The following LYAR variants were observed in gnomAD, a reference collection of about 807,000 sequenced individuals.
The protein encoded by LYAR is cell growth-regulating nucleolar protein.
A neutral mutation model predicts 45.2 loss-of-function variants in LYAR; 37 were observed. The ratio of observed to expected loss-of-function variants is 0.82; its 90% CI spans 0.63 to 1.08. LYAR has a LOEUF of 1.08. Among genes scored for constraint, LYAR ranks in the 50% least tolerant of loss-of-function variants. LYAR has a pLI of 0.00. For missense variants in LYAR, 493 were observed against 451.0 expected (o/e 1.09, Z -0.84); for synonymous variants, 176 against 155.1 (o/e 1.14, Z -1.00).
chr4:4,273,497 T>G, intron 8 of LYAR, 86 bp downstream of exon 8: 1 of 934,228 alleles, frequency 1.1e-6, no homozygotes, highest in South Asian at 1.4e-5. Flanking sequence ...CAAGTGACCC[T>G]CCTGCCCCTG....
intron 5 of LYAR, 26 bp downstream of exon 5, chr4:4,279,616 C>T (rs1333611505): frequency 1.3e-6 from 2 of 1,583,508 alleles, no homozygotes; most frequent in African/African-American, 1.3e-5. Context: ...ACACGGCCCC[C>T]TCCATTCAAG....
rs1477902841 is a variant in LYAR at position 4,279,444 on chromosome 4, T to TA, written c.429+2dup. 3 of 1,596,114 alleles carry TA rather than the reference T, an allele frequency of 1.9e-6. No individual in the cohort carries two copies. The highest frequency in any genetic ancestry group is 2.2e-5 in the South Asian group (2 of 90,198). On this transcript the variant is annotated splice_region_variant and intron_variant, in intron 6 of 9. Coordinates refer to ENST00000343470, the MANE Select transcript of LYAR (RefSeq NM_017816.3). Reference sequence around the variant, plus strand: ...TGCAAATCTAAAATCAGATCTGACTTACGCTGTTGGAAGCTTCAGAAAAGA... The same window carrying TA: ...TGCAAATCTAAAATCAGATCTGACTTAACGCTGTTGGAAGCTTCAGAAAAGA...
In LYAR at chr4:4,267,909, T is replaced by C. The variant is rs1172934678; in HGVS notation, c.1120A>G (p.Lys374Glu). ...KNPTFKLLKDKVKLVK is the reference protein window; with the variant it reads ...KNPTFKLLKDEVKLVK The stretch of plus-strand genomic sequence containing the variant: ...AATGTTCATTTCACAAGCTTGACTT[T>C]GTCCTTTAATAACTTAAAGGTAGGG... The change falls in exon 10 of 10, where the codon AAA becomes GAA. Residue 374 changes from lysine (K) to glutamate (E), a missense_variant. Transcript: ENST00000343470. 5 of 1,611,736 alleles carry C rather than the reference T, an allele frequency of 3.1e-6. No individual in the cohort carries two copies. The highest frequency in any genetic ancestry group is 1.1e-5 in the South Asian group (1 of 90,488).
At chr4:4,280,903 G>A (rs1485975020) in intron 4 of LYAR, among the ~76,000 whole-genome samples, 4 of 152,122 alleles carry the variant, frequency 2.6e-5, no homozygotes, top group African/African-American at 7.2e-5. Flanking sequence ...GATGACATCC[G>A]TCTTTTCATT....
At position 4,274,515 on chromosome 4, in the gene LYAR, C is replaced by T. The variant is rs1719098652; in HGVS notation, c.684G>A (p.Glu228=). The T allele has an allele frequency of 1.2e-6, 2 of 1,614,216 alleles. No individual in the cohort carries two copies. Among genetic ancestry groups the T allele is most frequent in the Non-Finnish European group, 1.7e-6 (2 of 1,180,040 alleles). Residue 228 remains glutamate (E), a synonymous_variant, in exon 7 of 10, where the codon GAG becomes GAA. Coordinates refer to ENST00000343470, the MANE Select transcript of LYAR (RefSeq NM_017816.3). ...QKPKKRKKGQ[E]ADLEAGGEEV... ...CCTCCCCACCAGCCTCAAGGTCAGC[C>T]TCCTGTCCCTTTTTGCGCTTCTTAG...
intron 2 of LYAR, among the ~76,000 whole-genome samples, chr4:4,284,718 A>C (rs1159646530): frequency 1.3e-5 from 2 of 152,186 alleles, no homozygotes; most frequent in African/African-American, 4.8e-5. Flanking sequence ...AATTTTCCAT[A>C]CTTACATAAT....
chr4:4,272,191 A>G (rs1332119937), intron 8 of LYAR, among the ~76,000 whole-genome samples: 1 of 152,212 alleles, frequency 6.6e-6, no homozygotes, highest in African/African-American at 2.4e-5. Context: ...ATGCTGTACT[A>G]CAGTTGTGTA....
In LYAR at chr4:4,283,721, C is replaced by T; in HGVS notation, c.22G>A (p.Ala8Thr). 1.2e-6 allele frequency: 2 copies of T among 1,611,872 alleles called. No homozygotes were observed. The highest frequency in any genetic ancestry group is 1.7e-6 in the Non-Finnish European group (2 of 1,179,432). ...ATTTTCTTCACTGATTCACCACATG[C>T]ATTGCATGTAAAAAATACCATTTTT... MVFFTCN[A>T]CGESVKKIQV... Residue 8 changes from alanine (A) to threonine (T), a missense_variant, in exon 3 of 10, where the codon GCA (alanine) becomes ACA (threonine). By Grantham distance (58) the Ala-to-Thr change is moderately conservative (BLOSUM62 0). Transcript: ENST00000343470.
chr4:4,274,404 G>A lies in LYAR; in HGVS notation c.795C>T (p.Arg265=), dbSNP rs1438710538. 13 of 1,613,710 alleles carry A rather than the reference G, an allele frequency of 8.1e-6. No individual in the cohort carries two copies. The highest frequency in any genetic ancestry group is 1.3e-5 in the African/African-American group (1 of 74,862). The part of the protein sequence containing the change: ...RKDSASEEEA[R]VGAGKRKRRH... The stretch of plus-strand genomic sequence containing the variant: ...TCCGCTTCCTCTTCCCTGCGCCCAC[G>A]CGTGCCTCTTCCTCACTGGCGCTGT... Residue 265 remains arginine, a synonymous_variant, in exon 7 of 10, where the codon CGC becomes CGT. Coordinates refer to ENST00000343470, the MANE Select transcript of LYAR (RefSeq NM_017816.3).
intron 3 of LYAR, among the ~76,000 whole-genome samples, chr4:4,282,583 T>C (rs1252506600): frequency 6.6e-6 from 1 of 152,122 alleles, no homozygotes; most frequent in African/African-American, 2.4e-5. Flanking sequence ...GCCAGTACCA[T>C]CCGAATGCCT....
At chr4:4,268,908 G>A (rs1468511056) in intron 8 of LYAR, 1 of 254,194 alleles carries the variant, frequency 3.9e-6, no homozygotes, top group Non-Finnish European at 7.4e-6. Context: ...CATCCACTAA[G>A]ATCATGGGGC....
chr4:4,281,397 G>A (rs1719387502), intron 4 of LYAR, among the ~76,000 whole-genome samples: 1 of 151,628 alleles, frequency 6.6e-6, no homozygotes, highest in Non-Finnish European at 1.5e-5. Flanking sequence ...TCGGCTCACT[G>A]CAACCTCTGC....
At position 4,267,830 on chromosome 4, in the gene LYAR, A is replaced by G; in HGVS notation, c.*59T>C. On this transcript the variant is annotated 3_prime_UTR_variant, in exon 10 of 10. Coordinates refer to ENST00000343470, the MANE Select transcript of LYAR (RefSeq NM_017816.3). ...TGTTAGAATTCATTACACATTTTAT[A>G]AACAGCAGTGAAAGGAAGAAGTCAG... 1 of 1,377,816 alleles carries G rather than the reference A, an allele frequency of 7.3e-7. No individual in the cohort carries two copies. The highest frequency in any genetic ancestry group is 9.6e-7 in the Non-Finnish European group (1 of 1,040,906). 85.3% of individuals were successfully genotyped at this position (1,377,816 alleles called of 1,614,324 possible). A position where few individuals can be genotyped will look rare whatever the true frequency, so the allele number is the denominator to read the frequency against.
intron 3 of LYAR, among the ~76,000 whole-genome samples, chr4:4,282,837 C>T (rs1261284690): frequency 6.6e-6 from 1 of 152,212 alleles, no homozygotes; most frequent in Admixed American, 6.5e-5. Context: ...CTTCCACCAG[C>T]ACCTCTGATT....
At chr4:4,277,616 C>T (rs1719237279) in intron 6 of LYAR, among the ~76,000 whole-genome samples, 1 of 152,236 alleles carries the variant, frequency 6.6e-6, no homozygotes, top group African/African-American at 2.4e-5. Flanking sequence ...TCGAGCACCT[C>T]CTTCAGTCCT....
chr4:4,271,593 G>A (rs766511955), intron 8 of LYAR, among the ~76,000 whole-genome samples: 34 of 152,296 alleles, frequency 2.2e-4, no homozygotes, highest in Non-Finnish European at 3.2e-4. Context: ...ACCTCCAAGC[G>A]GTTCTCCATA....
chr4:4,284,494 T>C (rs113982722), intron 2 of LYAR, among the ~76,000 whole-genome samples: 7 of 152,288 alleles, frequency 4.6e-5, no homozygotes, highest in African/African-American at 1.4e-4. Context: ...ATGTGGCAGC[T>C]TGTCAGACAA....
In LYAR at chr4:4,281,779, T is replaced by C. The variant is rs115058307; in HGVS notation, c.237+4A>G. 266 of 1,610,334 alleles carry C rather than the reference T, an allele frequency of 1.7e-4. No homozygotes were observed. In the African/African-American group the frequency reaches 3.1e-3, roughly 19 times the overall value. ...AGCTACTCAATGAGTTAGAGAGACG[T>C]TACCTGAATCCACGCCTGCTGTTTG... On this transcript the variant is annotated splice_donor_region_variant and intron_variant, in intron 4 of 9. Transcript: ENST00000343470.
At chr4:4,287,286 G>C (rs997406011) in intron 1 of LYAR, among the ~76,000 whole-genome samples, 2 of 152,188 alleles carry the variant, frequency 1.3e-5, no homozygotes, top group African/African-American at 4.8e-5. Context: ...GACTGGTTGA[G>C]AGCATACTTC....
Sources: gnomAD v4.1 joint callset for allele counts (sites outside exome capture counted in the v4.1 genomes callset) on GRCh38, gnomAD v4.1.1 for gene constraint, MANE v1.5 for transcripts, NCBI Gene and HGNC (gene_info 2026-07-23, HGNC 2026-07-21) for gene names.